ZNF654: variants seen among roughly 807,000 people sequenced by gnomAD.
ZNF654 encodes melanoma-associated antigen.
Under a neutral mutation model 95.3 loss-of-function variants are expected in ZNF654, and 19 were observed. That is an observed-to-expected ratio of 0.20 (90% CI 0.14 to 0.29). The LOEUF (loss-of-function observed/expected upper bound fraction) is 0.29. Among genes scored for constraint, ZNF654 ranks in the 10% least tolerant of loss-of-function variants. ZNF654 has a pLI of 1.00. For synonymous variants in ZNF654, 413 were observed against 457.9 expected, an observed-to-expected ratio of 0.90 and a Z score of 1.25; for missense variants, 1,046 against 1,341.0, an observed-to-expected ratio of 0.78 and a Z score of 3.44.
At chr3:88,105,016 T>G (rs1295116664) in intron 2 of ZNF654, among the ~76,000 whole-genome samples, 4 of 152,234 alleles carry the variant, frequency 2.6e-5, no homozygotes, top group Non-Finnish European at 5.9e-5. Flanking sequence ...GGCGCGCGCC[T>G]GTAATCCCAG....
intron 6 of ZNF654, among the ~76,000 whole-genome samples, chr3:88,131,459 G>T (rs1271588465): frequency 6.6e-6 from 1 of 152,062 alleles, no homozygotes; most frequent in Non-Finnish European, 1.5e-5. Flanking sequence ...TTTAAACAGG[G>T]TATCTTTAGT....
intron 1 of ZNF654, among the ~76,000 whole-genome samples, chr3:88,083,165 C>A (rs1387792304): frequency 6.6e-6 from 1 of 152,170 alleles, no homozygotes. Context: ...AAAGCCCTGT[C>A]TTCAAATACA....
chr3:88,136,455 T>C (rs1321686520), intron 7 of ZNF654, among the ~76,000 whole-genome samples: 1 of 152,204 alleles, frequency 6.6e-6, no homozygotes, highest in Non-Finnish European at 1.5e-5. Flanking sequence ...TGAAGAGTCA[T>C]AAATACTGTG....
intron 1 of ZNF654, among the ~76,000 whole-genome samples, chr3:88,085,416 C>A (rs1708288746): frequency 6.6e-6 from 1 of 152,244 alleles, no homozygotes; most frequent in Admixed American, 6.5e-5. Context: ...TTTCACATAT[C>A]ACAAAGTGAT....
rs562679852 is a variant in ZNF654, at chr3:88,130,040, T to G, written c.893+214T>G. The stretch of plus-strand genomic sequence containing the variant: ...ACTGATAGTGTAAATGTTTAAGGGA[T>G]GTGCTATAATGAAACAGTGGTTTGA... On this transcript the variant is annotated intron_variant, in intron 6 of 8. Transcript: ENST00000636215. Among the ~76,000 whole-genome samples the G allele has an allele frequency of 3.7e-4, 57 of 152,312 alleles. 1 individual carries two copies. In the South Asian group the frequency reaches 0.011, roughly 29 times the overall value.
Position 88,140,089 on chromosome 3 carries a change from A to G in ZNF654, c.2420A>G (p.Asn807Ser), listed in dbSNP as rs1390314182. 5.6e-6 allele frequency: 9 copies of G among 1,613,750 alleles called. No homozygotes were observed. In the African/African-American group the frequency reaches 9.3e-5, roughly 17 times the overall value. ...TCTCAACATTTTATAGACCACCTTAATAGACATAGCTATCCAAATGTGTAT... is the reference window on the plus strand; with the variant it reads ...TCTCAACATTTTATAGACCACCTTAGTAGACATAGCTATCCAAATGTGTAT... ...EDSQHFIDHL[N>S]RHSYPNVYFC... The change falls in exon 8 of 9, where the codon AAT becomes AGT. Residue 807 changes from asparagine to serine, a missense_variant. Physicochemically the swap from Asn to Ser is conservative, Grantham distance 46 (BLOSUM62 1). Around this residue, in one of 9 missense-constraint regions of ZNF654, gnomAD observed 495 missense variants for 537.0 expected, o/e 0.92. Transcript: ENST00000636215.
chr3:88,080,836 TA>T (rs1188796936), intron 1 of ZNF654, among the ~76,000 whole-genome samples: 2 of 152,220 alleles, frequency 1.3e-5, no homozygotes, highest in Admixed American at 1.3e-4. Context: ...TTAAATTTTT[TA>T]AAACTGAACT....
intron 1 of ZNF654, among the ~76,000 whole-genome samples, chr3:88,085,759 C>CT (rs1484400729): frequency 2.0e-5 from 3 of 152,142 alleles, no homozygotes; most frequent in African/African-American, 7.2e-5. Flanking sequence ...ATTCTGGACT[C>CT]TTTTCCCCAT....
At chr3:88,059,548 G>T in intron 1 of ZNF654, 43 bp downstream of exon 1, 1 of 1,450,804 alleles carries the variant, frequency 6.9e-7, no homozygotes, top group South Asian at 1.4e-5. Flanking sequence ...CCCGGGTCCT[G>T]GGCCTCTCTG....
chr3:88,139,782 GATGAAGAAGGTGATT>G lies in ZNF654; in HGVS notation c.2123_2137del (p.Gly708_Glu712del). 1 of 1,554,566 alleles carries G rather than the reference GATGAAGAAGGTGATT, an allele frequency of 6.4e-7. No homozygotes were observed. Among genetic ancestry groups the G allele is most frequent in the Non-Finnish European group, 8.7e-7 (1 of 1,148,470 alleles). On this transcript the variant is annotated inframe_deletion, in exon 8 of 9. Transcript: ENST00000636215. Reference sequence around the variant, plus strand: ...TGGGGATGATTATGAGGAGGAAGAGGATGAAGAAGGTGATTATGAAGAAGATGATTATGACCTGAA... The same window carrying G: ...TGGGGATGATTATGAGGAGGAAGAGGATGAAGAAGATGATTATGACCTGAA...
chr3:88,104,303 A>G lies in ZNF654; in HGVS notation c.333-8812A>G, dbSNP rs74890625. On this transcript the variant is annotated intron_variant, in intron 2 of 8. Coordinates refer to ENST00000636215, the MANE Select transcript of ZNF654 (RefSeq NM_001350134.2). ...TTATTTTTAAACACTGTAAAACATA[A>G]CTGATCATCTAAAGCAGGGGTTGAC... Among the ~76,000 whole-genome samples, 58 of 152,356 alleles carry G rather than the reference A, an allele frequency of 3.8e-4. No individual in the cohort carries two copies. In the East Asian group the frequency reaches 0.01, roughly 27 times the overall value.
intron 3 of ZNF654, among the ~76,000 whole-genome samples, chr3:88,118,295 G>A (rs927381880): frequency 1.3e-5 from 2 of 152,102 alleles, no homozygotes; most frequent in African/African-American, 4.8e-5. Flanking sequence ...AGGAAAGGGA[G>A]TTAGGAGGTG....
chr3:88,101,347 G>A (rs1704412723), intron 2 of ZNF654, among the ~76,000 whole-genome samples: 1 of 152,004 alleles, frequency 6.6e-6, no homozygotes, highest in Admixed American at 6.6e-5. Flanking sequence ...GCTATTTCTA[G>A]ACATTTCATA....
At chr3:88,122,449 T>G (rs1705826795) in intron 3 of ZNF654, among the ~76,000 whole-genome samples, 1 of 152,214 alleles carries the variant, frequency 6.6e-6, no homozygotes. Context: ...ACACATGTTG[T>G]AGGTGCCTTC....
At chr3:88,106,792 C>T (rs2107739782) in intron 2 of ZNF654, among the ~76,000 whole-genome samples, 1 of 152,222 alleles carries the variant, frequency 6.6e-6, no homozygotes, top group South Asian at 2.1e-4. Flanking sequence ...TTCTCAGTAA[C>T]CAAGTTATAT....
intron 2 of ZNF654, chr3:88,095,705 T>A: frequency 2.5e-6 from 1 of 404,010 alleles, no homozygotes; most frequent in Non-Finnish European, 4.7e-6. Flanking sequence ...GAAATTGGAT[T>A]TCTTTGCTAC....
At position 88,125,289 on chromosome 3, in the gene ZNF654, A is replaced by G. The variant is rs1239007398; in HGVS notation, c.415-845A>G. On this transcript the variant is annotated intron_variant, in intron 3 of 8. Coordinates refer to ENST00000636215, the MANE Select transcript of ZNF654 (RefSeq NM_001350134.2). ...GTAATGAGCCAAAAAGCATAATCAAACTATACAGATCTTATAAATCTAGAT... is the reference window on the plus strand; with the variant it reads ...GTAATGAGCCAAAAAGCATAATCAAGCTATACAGATCTTATAAATCTAGAT... 2.0e-5 allele frequency among the ~76,000 whole-genome samples: 3 copies of G among 152,092 alleles called. No individual in the cohort carries two copies. In the East Asian group the frequency reaches 5.8e-4, roughly 29 times the overall value.
chr3:88,141,149 T>C, intron 8 of ZNF654, 101 bp downstream of exon 8: 1 of 1,331,938 alleles, frequency 7.5e-7, no homozygotes, highest in African/African-American at 1.5e-5. Context: ...GATATTTGTG[T>C]AGCACAGGTA....
intron 1 of ZNF654, among the ~76,000 whole-genome samples, chr3:88,078,920 A>G (rs1298576245): frequency 6.6e-6 from 1 of 152,014 alleles, no homozygotes; most frequent in Admixed American, 6.6e-5. Flanking sequence ...TTTTTTTTGT[A>G]TACAACTTTG....
Sources: gnomAD v4.1 joint callset for allele counts (sites outside exome capture counted in the v4.1 genomes callset) on GRCh38, gnomAD v4.1.1 for gene constraint, gnomAD v4.1.1 regional missense constraint, MANE v1.5 for transcripts, NCBI Gene and HGNC (gene_info 2026-07-23, HGNC 2026-07-21) for gene names.